ZNF407: variants seen among roughly 807,000 people sequenced by gnomAD.
ZNF407 encodes the protein zinc finger protein 407.
In ZNF407, 17 loss-of-function variants were observed where a neutral mutation model predicts 131.2. That is an observed-to-expected ratio of 0.13 (90% CI 0.09 to 0.19). The LOEUF is 0.19. ZNF407 is among the 10% of genes least tolerant of loss of function. The probability of loss-of-function intolerance (pLI) is 1.00; values close to 1 mark genes in which losing one functional copy is unlikely to be tolerated. For synonymous variants in ZNF407, 1,156 were observed against 1,062.0 expected, an observed-to-expected ratio of 1.09 and a Z score of -1.72; for missense variants, 2,681 against 2,830.6, an observed-to-expected ratio of 0.95 and a Z score of 1.20.
At chr18:74,756,703 T>G (rs1968971494) in intron 3 of ZNF407, among the ~76,000 whole-genome samples, 1 of 151,580 alleles carries the variant, frequency 6.6e-6, no homozygotes, top group South Asian at 2.1e-4. Context: ...CAGGATCTTC[T>G]GTGTACAAGA....
At chr18:74,832,274 C>T (rs1028608850) in intron 4 of ZNF407, among the ~76,000 whole-genome samples, 2 of 152,090 alleles carry the variant, frequency 1.3e-5, no homozygotes, top group African/African-American at 4.8e-5. Flanking sequence ...TACTCATGTG[C>T]TTTACTTCTC....
chr18:74,873,432 T>C (rs1357369499), intron 4 of ZNF407, among the ~76,000 whole-genome samples: 1 of 152,194 alleles, frequency 6.6e-6, no homozygotes, highest in African/African-American at 2.4e-5. Flanking sequence ...GTAGGTGAGC[T>C]AAGGCCAGAG....
At chr18:74,886,181 A>G (rs1404985772) in intron 6 of ZNF407, among the ~76,000 whole-genome samples, 1 of 152,216 alleles carries the variant, frequency 6.6e-6, no homozygotes, top group Non-Finnish European at 1.5e-5. Context: ...TCCCCAAAGA[A>G]TATAAAGGTA....
rs993707121 is a variant in ZNF407, at chr18:74,621,921, C to A, written c.-53-9046C>A. On this transcript the variant is annotated intron_variant, in intron 1 of 8. Transcript: ENST00000299687. ...TGGACCCCAGTGTTTATGTGCTAGTCCTCTTGTGAGGAAGACAGACCCTAT... is the reference window on the plus strand; with the variant it reads ...TGGACCCCAGTGTTTATGTGCTAGTACTCTTGTGAGGAAGACAGACCCTAT... Among the ~76,000 whole-genome samples the A allele has an allele frequency of 2.6e-5, 4 of 152,266 alleles. No individual in the cohort carries two copies. In the East Asian group the frequency reaches 5.8e-4, roughly 22 times the overall value.
intron 3 of ZNF407, among the ~76,000 whole-genome samples, chr18:74,771,462 A>G (rs1438962638): frequency 2.0e-5 from 3 of 152,120 alleles, no homozygotes; most frequent in Admixed American, 6.5e-5. Flanking sequence ...ATTAAACAAT[A>G]TAATATGAAC....
intron 3 of ZNF407, among the ~76,000 whole-genome samples, chr18:74,644,720 G>A (rs966349821): frequency 6.6e-6 from 1 of 151,698 alleles, no homozygotes; most frequent in Non-Finnish European, 1.5e-5. Flanking sequence ...TTTACTGATG[G>A]GAAACTTAAT....
chr18:75,053,348 C>A (rs2122270527), intron 8 of ZNF407, among the ~76,000 whole-genome samples: 1 of 152,338 alleles, frequency 6.6e-6, no homozygotes, highest in South Asian at 2.1e-4. Context: ...CTAAAAGGAT[C>A]TCCCTCTGAA....
intron 8 of ZNF407, among the ~76,000 whole-genome samples, chr18:75,042,456 A>G (rs1384439545): frequency 6.6e-6 from 1 of 152,240 alleles, no homozygotes; most frequent in Non-Finnish European, 1.5e-5. Flanking sequence ...TTGTATAATT[A>G]GAGTCCTAAG....
At chr18:74,842,790 C>A (rs1003266056) in intron 4 of ZNF407, among the ~76,000 whole-genome samples, 4 of 152,112 alleles carry the variant, frequency 2.6e-5, no homozygotes, top group Non-Finnish European at 5.9e-5. Flanking sequence ...GTGTTGGAAT[C>A]TCGGCTCATT....
intron 3 of ZNF407, among the ~76,000 whole-genome samples, chr18:74,775,350 A>G (rs1398941581): frequency 6.6e-6 from 1 of 152,174 alleles, no homozygotes; most frequent in Non-Finnish European, 1.5e-5. Flanking sequence ...GCTGGATACA[A>G]TGTTTAGATC....
intron 8 of ZNF407, among the ~76,000 whole-genome samples, chr18:74,965,917 A>T (rs1271203180): frequency 6.6e-6 from 1 of 152,208 alleles, no homozygotes; most frequent in African/African-American, 2.4e-5. Context: ...ATGATCGATG[A>T]TGTTGAGCAC....
chr18:75,008,549 T>C (rs1358562727), intron 8 of ZNF407, among the ~76,000 whole-genome samples: 2 of 152,222 alleles, frequency 1.3e-5, no homozygotes, highest in Non-Finnish European at 2.9e-5. Flanking sequence ...TTTAACAGCG[T>C]TGCAAATATG....
intron 1 of ZNF407, among the ~76,000 whole-genome samples, chr18:74,608,971 G>T (rs73973919): frequency 0.03 from 4,499 of 150,244 alleles, 199 homozygotes; most frequent in African/African-American, 0.098. Flanking sequence ...TTTTTTTTTT[G>T]ATTTTGGTGC....
intron 3 of ZNF407, among the ~76,000 whole-genome samples, 184 bp downstream of exon 3, chr18:74,641,306 G>A (rs1984704578): frequency 6.6e-6 from 1 of 152,110 alleles, no homozygotes; most frequent in African/African-American, 2.4e-5. Context: ...TTCTAATCCT[G>A]TACTGAAGAT....
At chr18:74,929,201 G>A (rs565104798) in intron 8 of ZNF407, among the ~76,000 whole-genome samples, 3 of 152,204 alleles carry the variant, frequency 2.0e-5, no homozygotes, top group Non-Finnish European at 2.9e-5. Flanking sequence ...TTCCTTGAGT[G>A]TGCTGGCCAA....
At chr18:74,933,604 G>A (rs1261127265) in intron 8 of ZNF407, among the ~76,000 whole-genome samples, 2 of 152,106 alleles carry the variant, frequency 1.3e-5, no homozygotes, top group African/African-American at 4.8e-5. Context: ...AAATAATTTG[G>A]TACCCCTATT....
At position 75,063,816 on chromosome 18, in the gene ZNF407, C is replaced by T; in HGVS notation, c.6095C>T (p.Ala2032Val). ...QLPGQEVSHV[A>V]ADPEAPEIQM... ...CCCGGGCAGGAGGTCTCCCATGTGGCTGCCGACCCCGAGGCCCCCGAGATC... is the reference window on the plus strand; with the variant it reads ...CCCGGGCAGGAGGTCTCCCATGTGGTTGCCGACCCCGAGGCCCCCGAGATC... Residue 2032 changes from alanine (A) to valine (V), a missense_variant, in exon 9 of 9, where the codon GCT becomes GTT. Physicochemically the swap from Ala to Val is moderately conservative, Grantham distance 64. Transcript: ENST00000299687. The surrounding 1 kb of genome is among the most constrained non-coding windows in gnomAD (Gnocchi z 6.6). The T allele has an allele frequency of 6.2e-7, 1 of 1,607,628 alleles. No individual in the cohort carries two copies. The highest frequency in any genetic ancestry group is 8.5e-7 in the Non-Finnish European group (1 of 1,179,262).
chr18:75,044,013 A>C (rs554889424), intron 8 of ZNF407, among the ~76,000 whole-genome samples: 1 of 152,158 alleles, frequency 6.6e-6, no homozygotes, highest in Non-Finnish European at 1.5e-5. Context: ...GGTATCTACT[A>C]TATGTTTCTG....
chr18:74,631,415 C>G lies in ZNF407; in HGVS notation c.396C>G (p.Ser132=), dbSNP rs267605258. ...GCACATGTCTCCCAAATGCCCTCTC[C>G]CCTTCTTGCAATTTTAGCACTATTG... ...VGGTCLPNAL[S]PSCNFSTIDV... The change falls in exon 2 of 9, where the codon TCC becomes TCG. Residue 132 remains serine (S), a synonymous_variant. Transcript: ENST00000299687. 8 of 1,613,952 alleles carry G rather than the reference C, an allele frequency of 5.0e-6. No individual in the cohort carries two copies. Among genetic ancestry groups the G allele is most frequent in the Non-Finnish European group, 6.8e-6 (8 of 1,179,886 alleles).
Sources: allele counts gnomAD v4.1 joint callset (sites outside exome capture counted in the v4.1 genomes callset), GRCh38; gene constraint gnomAD v4.1.1; non-coding constraint Gnocchi (gnomAD v3.1); transcripts MANE v1.5; gene names NCBI Gene and HGNC (gene_info 2026-07-23, HGNC 2026-07-21).